SLC34A1: variants seen among roughly 807,000 people sequenced by gnomAD.
SLC34A1 encodes the protein sodium-dependent phosphate transport protein 2A.
SLC34A1 carries 57 observed loss-of-function variants against 51.4 expected under a neutral mutation model. That is an observed-to-expected ratio of 1.11 (90% CI 0.90 to 1.38). The LOEUF (loss-of-function observed/expected upper bound fraction) is 1.38. SLC34A1 is among the 40% of genes most tolerant of loss of function. The pLI is 0.00. For synonymous variants in SLC34A1, 368 were observed against 358.0 expected (o/e 1.03, Z -0.32); for missense variants, 796 against 835.6 (o/e 0.95, Z 0.58).
chr5:177,385,370 T>C (rs528537019), intron 1 of SLC34A1, among the ~76,000 whole-genome samples: 58 of 152,276 alleles, frequency 3.8e-4, no homozygotes, highest in African/African-American at 1.3e-3. Context: ...TAGAGCTCAA[T>C]AATACTCATT....
chr5:177,398,441 G>A lies in SLC34A1; in HGVS notation c.*155G>A. On this transcript the variant is annotated 3_prime_UTR_variant, in exon 13 of 13. Coordinates refer to ENST00000324417, the MANE Select transcript of SLC34A1 (RefSeq NM_003052.5). This position sits in a 1 kb window ranked among gnomAD's most constrained non-coding sequence, Gnocchi z 4.7. ...CAAAGCTCTGGGCTTGTGTGAGAGT[G>A]TCGGTGTGTGTGCATGTGTGGGGGT... 1 of 868,320 alleles carries A rather than the reference G, an allele frequency of 1.2e-6. No homozygotes were observed. 53.8% of individuals were successfully genotyped at this position (868,320 alleles called of 1,614,324 possible). A position where few individuals can be genotyped will look rare whatever the true frequency, so the allele number is the denominator to read the frequency against.
chr5:177,387,101 T>C (rs1386415559), intron 5 of SLC34A1, among the ~76,000 whole-genome samples: 2 of 151,904 alleles, frequency 1.3e-5, no homozygotes, highest in African/African-American at 4.8e-5. Flanking sequence ...CCGGGCGCAG[T>C]GGCTCATGCC....
chr5:177,387,118 C>T (rs1424782645), intron 5 of SLC34A1, among the ~76,000 whole-genome samples: 3 of 151,928 alleles, frequency 2.0e-5, no homozygotes, highest in Non-Finnish European at 2.9e-5. Flanking sequence ...TGCCTGTAAT[C>T]CCAGCACTTT....
Position 177,398,273 on chromosome 5 carries a change from C to T in SLC34A1, c.1907C>T (p.Ala636Val), listed in dbSNP as rs1763038862. 6.3e-7 allele frequency: 1 copy of T among 1,599,174 alleles called. No individual in the cohort carries two copies. The highest frequency in any genetic ancestry group is 8.5e-7 in the Non-Finnish European group (1 of 1,179,936). Residue 636 changes from alanine to valine, a missense_variant, in exon 13 of 13, where the codon GCC (alanine) becomes GTC (valine). Transcript: ENST00000324417. This position sits in a 1 kb window ranked among gnomAD's most constrained non-coding sequence, Gnocchi z 4.7. ...PRLALPAHHN[A>V]TRL ...CTTGCACTGCCTGCTCACCACAATGCCACCCGCCTCTAGGCTGTGGGCCCA... is the reference window on the plus strand; with the variant it reads ...CTTGCACTGCCTGCTCACCACAATGTCACCCGCCTCTAGGCTGTGGGCCCA...
chr5:177,388,295 A>G lies in SLC34A1; in HGVS notation c.859A>G (p.Thr287Ala), dbSNP rs1762675905. ...LIIQLDESVI[T>A]SIATGDESLR... Reference sequence around the variant, plus strand: ...CCCACAGCTGGACGAGTCTGTGATAACCAGCATTGCCACTGGTGATGAGTC... The same window carrying G: ...CCCACAGCTGGACGAGTCTGTGATAGCCAGCATTGCCACTGGTGATGAGTC... Residue 287 changes from threonine to alanine, a missense_variant, in exon 8 of 13, where the codon ACC becomes GCC. Thr to Ala is a moderately conservative substitution (Grantham distance 58). Coordinates refer to ENST00000324417, the MANE Select transcript of SLC34A1 (RefSeq NM_003052.5). This position sits in a 1 kb window ranked among gnomAD's most constrained non-coding sequence, Gnocchi z 4.3. 2.5e-6 allele frequency: 4 copies of G among 1,613,992 alleles called. No homozygotes were observed. Among genetic ancestry groups the G allele is most frequent in the Non-Finnish European group, 3.4e-6 (4 of 1,180,016 alleles).
chr5:177,390,632 G>GCC (rs1762769113), intron 8 of SLC34A1: 1 of 152,932 alleles, frequency 6.5e-6, no homozygotes, highest in Non-Finnish European at 1.5e-5. Flanking sequence ...GACGACTCCA[G>GCC]AGATAGCGGG....
Position 177,386,118 on chromosome 5 carries a change from G to C in SLC34A1, c.241G>C (p.Glu81Gln), listed in dbSNP as rs150272060. ...ACCACTGCCTGCCAAGCTGGCCCTG[G>C]AGGAGGAGCAGAAGCCAGGTGGGCC... ...HEPLPAKLALEEEQKPESRLV... is the reference protein window; with the variant it reads ...HEPLPAKLALQEEQKPESRLV... Residue 81 changes from glutamate to glutamine, a missense_variant, in exon 3 of 13, where the codon GAG becomes CAG. Coordinates refer to ENST00000324417, the MANE Select transcript of SLC34A1 (RefSeq NM_003052.5). The surrounding 1 kb of genome is among the most constrained non-coding windows in gnomAD (Gnocchi z 4.8). 3 of 1,613,584 alleles carry C rather than the reference G, an allele frequency of 1.9e-6. No homozygotes were observed. The highest frequency in any genetic ancestry group is 3.3e-5 in the Admixed American group (2 of 60,004).
intron 10 of SLC34A1, among the ~76,000 whole-genome samples, chr5:177,395,125 T>C (rs374112988): frequency 3.0e-4 from 46 of 151,960 alleles, no homozygotes; most frequent in African/African-American, 1.1e-3. Context: ...TGAGCTATGA[T>C]GGCACCACTG....
chr5:177,384,862 CAAA>C (rs56057645), intron 1 of SLC34A1, among the ~76,000 whole-genome samples: 6 of 86,954 alleles, frequency 6.9e-5, no homozygotes, highest in Admixed American at 1.3e-4. Flanking sequence ...AACTCCATCT[CAAA>C]AAAAAAAAAA....
intron 5 of SLC34A1, among the ~76,000 whole-genome samples, chr5:177,387,150 C>CACG (rs935475016): frequency 2.0e-5 from 3 of 151,334 alleles, no homozygotes; most frequent in Non-Finnish European, 4.4e-5. Flanking sequence ...GGGGGCAGAT[C>CACG]ACGAGGTCAG....
intron 8 of SLC34A1, among the ~76,000 whole-genome samples, chr5:177,391,225 G>T (rs1762791746): frequency 6.6e-6 from 1 of 152,196 alleles, no homozygotes; most frequent in African/African-American, 2.4e-5. Context: ...AAGCCCCAGG[G>T]CCTGCTCCCT....
chr5:177,396,415 A>G lies in SLC34A1; in HGVS notation c.1175-318A>G, dbSNP rs941192104. ...AACCCCCATGGAGGTCGTCTCTCCC[A>G]GTGCCCCCGCGGAGATCCGCTCTCC... On this transcript the variant is annotated intron_variant, in intron 10 of 12. Coordinates refer to ENST00000324417, the MANE Select transcript of SLC34A1 (RefSeq NM_003052.5). This position sits in a 1 kb window ranked among gnomAD's most constrained non-coding sequence, Gnocchi z 4.0. Among the ~76,000 whole-genome samples the G allele has an allele frequency of 2.0e-5, 3 of 151,506 alleles. No individual in the cohort carries two copies. Among genetic ancestry groups the G allele is most frequent in the African/African-American group, 7.3e-5 (3 of 41,188 alleles).
intron 9 of SLC34A1, 25 bp from the exon 10 acceptor site, chr5:177,394,003 C>T: frequency 1.2e-6 from 2 of 1,613,698 alleles, no homozygotes; most frequent in Admixed American, 3.3e-5. Context: ...GTGGGGTCAG[C>T]TGTCAGGAGC....
Position 177,394,083 on chromosome 5 carries a change from G to C in SLC34A1, c.1062G>C (p.Leu354=), listed in dbSNP as rs369736373. ...GLPDLAVGLI[L]LAGSLVLLCT... ...CGGACCTGGCTGTGGGGCTCATCCT[G>C]CTGGCAGGATCCCTGGTGCTGCTGT... The change falls in exon 10 of 13, where the codon CTG becomes CTC. Residue 354 remains leucine (L), a synonymous_variant. Transcript: ENST00000324417. The C allele has an allele frequency of 6.2e-7, 1 of 1,614,042 alleles. No homozygotes were observed. The highest frequency in any genetic ancestry group is 8.5e-7 in the Non-Finnish European group (1 of 1,180,028).
Position 177,389,679 on chromosome 5 carries a change from G to A in SLC34A1, c.936+1307G>A, listed in dbSNP as rs1306742152. On this transcript the variant is annotated intron_variant, in intron 8 of 12. Transcript: ENST00000324417. ...AGAGAAATCACACACTTTGATCTTC[G>A]CAAAAAGCAAGCCATGGAAGACAGC... 1.4e-5 allele frequency: 22 copies of A among 1,537,066 alleles called. No homozygotes were observed. Among genetic ancestry groups the A allele is most frequent in the Middle Eastern group, 1.7e-4 (1 of 6,012 alleles).
At position 177,398,254 on chromosome 5, in the gene SLC34A1, C is replaced by A. The variant is rs1561636616; in HGVS notation, c.1888C>A (p.Leu630Met). The stretch of plus-strand genomic sequence containing the variant: ...TGCCACACCCTCCCCCCGTCTTGCA[C>A]TGCCTGCTCACCACAATGCCACCCG... ...PPATPSPRLA[L>M]PAHHNATRL Residue 630 changes from leucine (L) to methionine (M), a missense_variant, in exon 13 of 13, where the codon CTG becomes ATG. Physicochemically the swap from Leu to Met is conservative, Grantham distance 15 (BLOSUM62 2). Transcript: ENST00000324417. This position sits in a 1 kb window ranked among gnomAD's most constrained non-coding sequence, Gnocchi z 4.7. The A allele has an allele frequency of 3.8e-6, 6 of 1,599,514 alleles. No homozygotes were observed. Among genetic ancestry groups the A allele is most frequent in the Admixed American group, 1.7e-5 (1 of 60,000 alleles).
rs1469919869 is a variant in SLC34A1, at chr5:177,393,783, G to A, written c.1006+20G>A. On this transcript the variant is annotated intron_variant, in intron 9 of 12. Transcript: ENST00000324417. Reference sequence around the variant, plus strand: ...AGAAATGTAAGTGCCTGCAACATGGGAGGTGTCCTGCATGGCAGGGGCAGA... The same window carrying A: ...AGAAATGTAAGTGCCTGCAACATGGAAGGTGTCCTGCATGGCAGGGGCAGA... The A allele has an allele frequency of 4.3e-6, 7 of 1,613,378 alleles. No individual in the cohort carries two copies. The highest frequency in any genetic ancestry group is 5.9e-6 in the Non-Finnish European group (7 of 1,179,410).
chr5:177,390,745 C>T (rs1339403047), intron 8 of SLC34A1, among the ~76,000 whole-genome samples: 3 of 152,040 alleles, frequency 2.0e-5, no homozygotes, highest in Admixed American at 6.6e-5. Flanking sequence ...AGCTCCCCTT[C>T]CTCTGAGGGG....
chr5:177,389,619 CA>C, intron 8 of SLC34A1: 1 of 1,537,248 alleles, frequency 6.5e-7, no homozygotes, highest in Non-Finnish European at 8.7e-7. Context: ...TGACTCACCA[CA>C]AGCCTCTCTA....
Sources: allele counts gnomAD v4.1 joint callset (sites outside exome capture counted in the v4.1 genomes callset), GRCh38; gene constraint gnomAD v4.1.1; non-coding constraint Gnocchi (gnomAD v3.1); transcripts MANE v1.5; gene names NCBI Gene and HGNC (gene_info 2026-07-23, HGNC 2026-07-21).